CACNA2D3: variants seen among roughly 807,000 people sequenced by gnomAD.
CACNA2D3 encodes the protein voltage-dependent calcium channel subunit alpha-2/delta-3.
A neutral mutation model predicts 160.6 loss-of-function variants in CACNA2D3; 60 were observed. The ratio of observed to expected loss-of-function variants is 0.37; its 90% CI spans 0.30 to 0.46. CACNA2D3 has a LOEUF of 0.46. CACNA2D3 is among the 20% of genes least tolerant of loss of function. The pLI, the probability that CACNA2D3 is intolerant of heterozygous loss-of-function variation, is 1.00. For synonymous variants in CACNA2D3, 558 were observed against 492.9 expected, an observed-to-expected ratio of 1.13 and a Z score of -1.75; for missense variants, 1,205 against 1,365.0, an observed-to-expected ratio of 0.88 and a Z score of 1.85.
rs1030695519 is a variant in CACNA2D3, at chr3:54,824,114, A to G, written c.1398+7244A>G. Among the ~76,000 whole-genome samples, 5 of 152,382 alleles carry G rather than the reference A, an allele frequency of 3.3e-5. 1 individual carries two copies. Among genetic ancestry groups the G allele is most frequent in the Non-Finnish European group, 1.5e-5 (1 of 68,038 alleles). On this transcript the variant is annotated intron_variant, in intron 14 of 37. Transcript: ENST00000474759. ...GCATTGATTCTTGGTACAGACAGCT[A>G]TAATCAGAAGGACAAAGGTTTATAA...
At chr3:54,135,727 A>G (rs747494331) in intron 2 of CACNA2D3, among the ~76,000 whole-genome samples, 2 of 152,134 alleles carry the variant, frequency 1.3e-5, no homozygotes, top group Admixed American at 6.5e-5. Flanking sequence ...CACCTTGCAC[A>G]TTCCTCCTGA....
intron 9 of CACNA2D3, chr3:54,626,165 A>C: frequency 1.5e-6 from 1 of 682,986 alleles, no homozygotes; most frequent in Non-Finnish European, 2.6e-6. Context: ...GAGTCTCACG[A>C]TAACTGCGCA....
intron 13 of CACNA2D3, among the ~76,000 whole-genome samples, chr3:54,811,250 C>T (rs925500190): frequency 6.6e-6 from 1 of 152,082 alleles, no homozygotes; most frequent in African/African-American, 2.4e-5. Flanking sequence ...TGTGCTTCTC[C>T]CATACTCATC....
intron 2 of CACNA2D3, among the ~76,000 whole-genome samples, chr3:54,301,537 T>C (rs60855497): frequency 0.24 from 36,454 of 152,146 alleles, 4,576 homozygotes; most frequent in South Asian, 0.34. Flanking sequence ...ACATATTTAA[T>C]ACACACCTAT....
At chr3:54,572,207 A>G (rs892603402) in intron 8 of CACNA2D3, among the ~76,000 whole-genome samples, 1 of 152,226 alleles carries the variant, frequency 6.6e-6, no homozygotes, top group African/African-American at 2.4e-5. Flanking sequence ...CTCTCAGAAC[A>G]AAAGTTTCTG....
chr3:54,160,184 T>A (rs1700317395), intron 2 of CACNA2D3, among the ~76,000 whole-genome samples: 1 of 152,236 alleles, frequency 6.6e-6, no homozygotes, highest in Non-Finnish European at 1.5e-5. Context: ...AATGTTCAGA[T>A]GCTCCCTAGG....
intron 3 of CACNA2D3, among the ~76,000 whole-genome samples, chr3:54,343,575 C>A (rs1698403215): frequency 6.6e-6 from 1 of 152,212 alleles, no homozygotes; most frequent in Non-Finnish European, 1.5e-5. Flanking sequence ...TGCACCACCA[C>A]ACCCAGCTAA....
rs140887890 is a variant in CACNA2D3 at position 54,352,047 on chromosome 3, C to T, written c.321+31489C>T. 3.2e-3 allele frequency among the ~76,000 whole-genome samples: 494 copies of T among 152,272 alleles called. 1 individual carries two copies. Among genetic ancestry groups the T allele is most frequent in the African/African-American group, 0.011 (469 of 41,548 alleles). Reference sequence around the variant, plus strand: ...TTTGATGACCTGTACTGCATGGATACGTGGATACATACGCTTGTGTTATTT... The same window carrying T: ...TTTGATGACCTGTACTGCATGGATATGTGGATACATACGCTTGTGTTATTT... On this transcript the variant is annotated intron_variant, in intron 3 of 37. Coordinates refer to ENST00000474759, the MANE Select transcript of CACNA2D3 (RefSeq NM_018398.3).
At chr3:54,416,810 G>T (rs1699761657) in intron 4 of CACNA2D3, among the ~76,000 whole-genome samples, 1 of 152,074 alleles carries the variant, frequency 6.6e-6, no homozygotes, top group Non-Finnish European at 1.5e-5. Flanking sequence ...TATGAACAAG[G>T]TAATTGATTA....
intron 2 of CACNA2D3, among the ~76,000 whole-genome samples, chr3:54,167,664 CT>C (rs1436428144): frequency 6.6e-6 from 1 of 152,158 alleles, no homozygotes; most frequent in African/African-American, 2.4e-5. Flanking sequence ...ACCTTCATTA[CT>C]TGGGGTGCAG....
intron 9 of CACNA2D3, among the ~76,000 whole-genome samples, chr3:54,604,846 C>T (rs1419298285): frequency 6.6e-6 from 1 of 152,212 alleles, no homozygotes; most frequent in Admixed American, 6.5e-5. Context: ...CACATCCCTT[C>T]TGTAGTCAAC....
intron 4 of CACNA2D3, among the ~76,000 whole-genome samples, chr3:54,418,003 G>A (rs1699782414): frequency 6.6e-6 from 1 of 152,140 alleles, no homozygotes; most frequent in African/African-American, 2.4e-5. Flanking sequence ...GCCCAGGCTG[G>A]TCTTGAGCTC....
At chr3:54,781,660 A>G (rs1174993276) in intron 13 of CACNA2D3, among the ~76,000 whole-genome samples, 1 of 152,210 alleles carries the variant, frequency 6.6e-6, no homozygotes, top group Non-Finnish European at 1.5e-5. Flanking sequence ...ATGTTAAAAT[A>G]TTTTTAGTAG....
intron 3 of CACNA2D3, among the ~76,000 whole-genome samples, chr3:54,376,322 C>G (rs1218339733): frequency 6.6e-6 from 1 of 152,040 alleles, no homozygotes; most frequent in Admixed American, 6.5e-5. Context: ...ACTCCTTTAA[C>G]CCCAGCTTAC....
At chr3:54,478,216 T>A (rs1360069270) in intron 4 of CACNA2D3, among the ~76,000 whole-genome samples, 1 of 152,196 alleles carries the variant, frequency 6.6e-6, no homozygotes, top group Admixed American at 6.5e-5. Context: ...TAATAAAAAA[T>A]TTAATTAATG....
At chr3:54,525,044 T>C (rs1470175564) in intron 5 of CACNA2D3, among the ~76,000 whole-genome samples, 1 of 152,140 alleles carries the variant, frequency 6.6e-6, no homozygotes, top group African/African-American at 2.4e-5. Flanking sequence ...ATGTGTGGTA[T>C]AGTATATAGT....
chr3:54,535,136 C>T (rs1383772343), intron 5 of CACNA2D3, among the ~76,000 whole-genome samples: 3 of 152,178 alleles, frequency 2.0e-5, no homozygotes, highest in Non-Finnish European at 4.4e-5. Context: ...AACAGTGGCT[C>T]ACATATCGTG....
chr3:54,823,767 G>A (rs955349397), intron 14 of CACNA2D3, among the ~76,000 whole-genome samples: 2 of 152,082 alleles, frequency 1.3e-5, no homozygotes, highest in Non-Finnish European at 2.9e-5. Context: ...ACAAACAGAT[G>A]TACAAAACTG....
intron 3 of CACNA2D3, among the ~76,000 whole-genome samples, chr3:54,343,296 TA>T (rs951339421): frequency 3.3e-5 from 5 of 152,052 alleles, no homozygotes; most frequent in African/African-American, 1.2e-4. Context: ...TTTTCTTTTT[TA>T]ATTTTTTTTT....
Sources: gnomAD v4.1 joint callset for allele counts (sites outside exome capture counted in the v4.1 genomes callset) on GRCh38, gnomAD v4.1.1 for gene constraint, MANE v1.5 for transcripts, NCBI Gene and HGNC (gene_info 2026-07-23, HGNC 2026-07-21) for gene names.